KCNMA1: variants seen among roughly 807,000 people sequenced by gnomAD.
KCNMA1 encodes Calcium-activated potassium channel subunit alpha-1.
In KCNMA1, 29 loss-of-function variants were observed where a neutral mutation model predicts 140.0. That is an observed-to-expected ratio of 0.21 (90% CI 0.15 to 0.28). The LOEUF (loss-of-function observed/expected upper bound fraction) is 0.28. KCNMA1 is among the 10% of genes least tolerant of loss of function. KCNMA1 has a pLI of 1.00. For synonymous variants in KCNMA1, 612 were observed against 611.9 expected (o/e 1.00, Z 0.00); for missense variants, 880 against 1,602.2 (o/e 0.55, Z 7.70).
chr10:77,252,734 G>A (rs766249342), intron 2 of KCNMA1, among the ~76,000 whole-genome samples: 99 of 152,076 alleles, frequency 6.5e-4, no homozygotes, highest in Non-Finnish European at 1.1e-3. Flanking sequence ...GGGGCAGAAT[G>A]GTGGCTTGCA....
intron 3 of KCNMA1, among the ~76,000 whole-genome samples, chr10:77,192,253 A>C (rs2098944670): frequency 6.6e-6 from 1 of 152,180 alleles, no homozygotes; most frequent in South Asian, 2.1e-4. Context: ...AATAAAACAC[A>C]CACAGATCAT....
At chr10:77,510,458 G>T (rs761340375) in intron 1 of KCNMA1, among the ~76,000 whole-genome samples, 5 of 152,096 alleles carry the variant, frequency 3.3e-5, no homozygotes, top group Non-Finnish European at 5.9e-5. Context: ...TGGAGTGCAG[G>T]TTTCTCAAAC....
intron 3 of KCNMA1, among the ~76,000 whole-genome samples, chr10:77,239,994 G>A (rs2056839731): frequency 6.6e-6 from 1 of 152,162 alleles, no homozygotes; most frequent in Non-Finnish European, 1.5e-5. Flanking sequence ...TAAGTCAGAG[G>A]ATAGTTTCCA....
intron 2 of KCNMA1, among the ~76,000 whole-genome samples, chr10:77,345,121 T>C (rs1194726809): frequency 1.3e-5 from 2 of 152,222 alleles, no homozygotes; most frequent in Non-Finnish European, 2.9e-5. Flanking sequence ...TTTGTTGGTA[T>C]AAATATTTAA....
intron 1 of KCNMA1, among the ~76,000 whole-genome samples, chr10:77,425,312 C>G (rs1372327185): frequency 2.6e-5 from 4 of 152,194 alleles, no homozygotes; most frequent in Non-Finnish European, 5.9e-5. Context: ...ACAACCACCC[C>G]AGTTTCCCTA....
At chr10:77,339,714 T>C (rs1303617168) in intron 2 of KCNMA1, among the ~76,000 whole-genome samples, 1 of 152,246 alleles carries the variant, frequency 6.6e-6, no homozygotes, top group African/African-American at 2.4e-5. Context: ...AGTCCAACCT[T>C]GCCTGTCCTC....
chr10:77,423,492 A>C (rs994543428), intron 1 of KCNMA1, among the ~76,000 whole-genome samples: 2 of 152,182 alleles, frequency 1.3e-5, no homozygotes, highest in African/African-American at 4.8e-5. Flanking sequence ...TCTTGGGCAG[A>C]CATAGTCCTG....
chr10:77,264,075 C>T (rs1015577704), intron 2 of KCNMA1, among the ~76,000 whole-genome samples: 2 of 152,138 alleles, frequency 1.3e-5, no homozygotes, highest in African/African-American at 2.4e-5. Flanking sequence ...AATAAATTCC[C>T]ACTCCTACAG....
chr10:76,966,895 G>A (rs2074156178), intron 20 of KCNMA1, among the ~76,000 whole-genome samples: 1 of 152,154 alleles, frequency 6.6e-6, no homozygotes, highest in South Asian at 2.1e-4. Flanking sequence ...TTCTGTTGAG[G>A]TGACTCAAAA....
chr10:76,923,900 G>C (rs2056837942), intron 23 of KCNMA1, among the ~76,000 whole-genome samples: 1 of 152,108 alleles, frequency 6.6e-6, no homozygotes, highest in African/African-American at 2.4e-5. Context: ...AGCTACTTGG[G>C]AGGCTGACGT....
At chr10:77,212,655 C>T (rs2046443177) in intron 3 of KCNMA1, among the ~76,000 whole-genome samples, 1 of 152,114 alleles carries the variant, frequency 6.6e-6, no homozygotes, top group South Asian at 2.1e-4. Context: ...CTCTCTCTCT[C>T]CTTCTCTCCC....
chr10:77,432,213 G>C (rs2097170204), intron 1 of KCNMA1, among the ~76,000 whole-genome samples: 1 of 152,172 alleles, frequency 6.6e-6, no homozygotes, highest in South Asian at 2.1e-4. Context: ...CCTCCTTGAG[G>C]CTTTTTGATT....
At chr10:77,636,416 G>GCGCCAGGGAAGACGCTC (rs2154571916) in intron 1 of KCNMA1, 1 of 1,536,154 alleles carries the variant, frequency 6.5e-7, no homozygotes, top group East Asian at 2.4e-5. Context: ...GCCACCTCGA[G>GCGCCAGGGAAGACGCTC]CGCCAGGGAA....
At position 77,164,388 on chromosome 10, in the gene KCNMA1, A is replaced by G. The variant is rs193296616; in HGVS notation, c.808+19033T>C. Among the ~76,000 whole-genome samples the G allele has an allele frequency of 3.0e-3, 457 of 152,338 alleles. 1 individual carries two copies. The highest frequency in any genetic ancestry group is 5.1e-3 in the Non-Finnish European group (350 of 68,032). ...CATAAATTGGCCATAAATTAGAGCT[A>G]AGAATCAGGAAGATTCTCCTTCCAT... is the stretch of plus-strand genomic sequence containing the variant. On this transcript the variant is annotated intron_variant, in intron 5 of 27. Transcript: ENST00000286628.
At chr10:77,160,936 C>T (rs1398827036) in intron 5 of KCNMA1, among the ~76,000 whole-genome samples, 1 of 152,186 alleles carries the variant, frequency 6.6e-6, no homozygotes, top group African/African-American at 2.4e-5. Flanking sequence ...TCTGCTTTCA[C>T]TCTCACCATG....
chr10:76,914,771 G>T, intron 24 of KCNMA1, 165 bp downstream of exon 24: 1 of 616,468 alleles, frequency 1.6e-6, no homozygotes, highest in Non-Finnish European at 3.0e-6. Flanking sequence ...TTCCCTTCCG[G>T]TAATCTGCCA....
intron 2 of KCNMA1, among the ~76,000 whole-genome samples, chr10:77,308,421 T>A (rs1296548367): frequency 6.6e-6 from 1 of 152,242 alleles, no homozygotes; most frequent in East Asian, 1.9e-4. Context: ...GTCCCTTTTA[T>A]GTCTCACTCA....
intron 1 of KCNMA1, among the ~76,000 whole-genome samples, chr10:77,497,768 T>C (rs886568698): frequency 6.6e-6 from 1 of 152,180 alleles, no homozygotes; most frequent in African/African-American, 2.4e-5. Flanking sequence ...GACTTTGTAT[T>C]TGAGGTGGGG....
chr10:76,960,773 A>G (rs2153057676), intron 20 of KCNMA1, among the ~76,000 whole-genome samples: 1 of 152,150 alleles, frequency 6.6e-6, no homozygotes, highest in South Asian at 2.1e-4. Flanking sequence ...CACCAGCTGC[A>G]TTAGTTCCAA....
Sources: gnomAD v4.1 joint callset for allele counts (sites outside exome capture counted in the v4.1 genomes callset) on GRCh38, gnomAD v4.1.1 for gene constraint, MANE v1.5 for transcripts, NCBI Gene and HGNC (gene_info 2026-07-23, HGNC 2026-07-21) for gene names.